Variants in PTPRD observed in about 807,000 individuals in gnomAD.
PTPRD encodes protein tyrosine phosphatase receptor type D, also known as receptor-type tyrosine-protein phosphatase delta.
A neutral mutation model predicts 214.5 loss-of-function variants in PTPRD; 34 were observed. The observed-to-expected ratio is 0.16, with a 90% CI of 0.12 to 0.21. The LOEUF (loss-of-function observed/expected upper bound fraction) is 0.21. Ranked by LOEUF, PTPRD falls within the 10% of genes least tolerant of loss-of-function variation. The pLI is 1.00. For synonymous variants in PTPRD, 1,128 were observed against 845.7 expected (o/e 1.33, Z -5.79); for missense variants, 2,545 against 2,398.7 (o/e 1.06, Z -1.27).
At chr9:9,496,450 T>C (rs1356524220) in intron 8 of PTPRD, among the ~76,000 whole-genome samples, 1 of 151,884 alleles carries the variant, frequency 6.6e-6, no homozygotes, top group South Asian at 2.1e-4. Context: ...TACACAAATG[T>C]CCAATAAGCA....
intron 9 of PTPRD, among the ~76,000 whole-genome samples, chr9:9,321,029 C>T (rs1966205202): frequency 1.3e-5 from 2 of 152,076 alleles, no homozygotes; most frequent in Non-Finnish European, 2.9e-5. Context: ...GAAATAGAAG[C>T]CAATGATTAC....
chr9:9,242,599 C>A (rs539970251), intron 9 of PTPRD, among the ~76,000 whole-genome samples: 8 of 152,170 alleles, frequency 5.3e-5, no homozygotes, highest in Admixed American at 1.3e-4. Flanking sequence ...TTTGATCTTC[C>A]ATCACTGATA....
At chr9:10,505,895 C>A (rs374485024) in intron 2 of PTPRD, among the ~76,000 whole-genome samples, 7 of 151,978 alleles carry the variant, frequency 4.6e-5, no homozygotes, top group African/African-American at 1.7e-4. Flanking sequence ...TATATCAATA[C>A]ATAAGCAGAA....
At chr9:10,093,829 G>A (rs2098456577) in intron 3 of PTPRD, among the ~76,000 whole-genome samples, 1 of 151,352 alleles carries the variant, frequency 6.6e-6, no homozygotes, top group Non-Finnish European at 1.5e-5. Flanking sequence ...GCAAATTAAT[G>A]CAGCAACAGA....
At chr9:9,419,741 T>C (rs186153896) in intron 8 of PTPRD, among the ~76,000 whole-genome samples, 7 of 151,904 alleles carry the variant, frequency 4.6e-5, no homozygotes, top group African/African-American at 1.4e-4. Flanking sequence ...GCCTTCATTA[T>C]TGTGTTCATT....
intron 12 of PTPRD, among the ~76,000 whole-genome samples, chr9:8,714,424 C>G (rs558028693): frequency 1.4e-3 from 209 of 152,136 alleles, no homozygotes; most frequent in Non-Finnish European, 2.0e-3. Flanking sequence ...TGCCTGTTGG[C>G]TCTTAAATCC....
chr9:8,775,491 G>A lies in PTPRD; in HGVS notation c.-103-41545C>T, dbSNP rs375065545. Among the ~76,000 whole-genome samples the A allele has an allele frequency of 1.1e-3, 163 of 152,214 alleles. 1 individual carries two copies. The South Asian group carries it at 0.028, about 27-fold the overall frequency. On this transcript the variant is annotated intron_variant, in intron 11 of 45. Coordinates refer to ENST00000381196, the MANE Select transcript of PTPRD (RefSeq NM_002839.4). ...TTAGGTGAGATGCAGTACATAACAGGTATGGAATATACTAATGCTTTGGAT... is the reference window on the plus strand; with the variant it reads ...TTAGGTGAGATGCAGTACATAACAGATATGGAATATACTAATGCTTTGGAT...
intron 11 of PTPRD, among the ~76,000 whole-genome samples, chr9:8,952,926 C>T (rs1057315201): frequency 6.7e-6 from 1 of 150,052 alleles, no homozygotes; most frequent in African/African-American, 2.4e-5. Flanking sequence ...CTTTCACTGG[C>T]TTCTGTCCAA....
chr9:10,417,070 G>A (rs1190097185), intron 2 of PTPRD, among the ~76,000 whole-genome samples: 7 of 151,816 alleles, frequency 4.6e-5, no homozygotes, highest in Non-Finnish European at 8.8e-5. Context: ...TGTTAGTGAA[G>A]ACAACAAACT....
intron 8 of PTPRD, among the ~76,000 whole-genome samples, chr9:9,453,639 T>C (rs1015176713): frequency 3.3e-5 from 5 of 151,734 alleles, no homozygotes; most frequent in African/African-American, 1.2e-4. Flanking sequence ...GAGGTGTATA[T>C]GTTTGTTTAC....
chr9:8,400,188 A>G (rs1344427211), intron 36 of PTPRD, among the ~76,000 whole-genome samples: 4 of 152,232 alleles, frequency 2.6e-5, no homozygotes, highest in Admixed American at 2.6e-4. Flanking sequence ...AAGATTAATT[A>G]TACTTTAGAA....
chr9:9,453,458 C>T (rs758935826), intron 8 of PTPRD, among the ~76,000 whole-genome samples: 11 of 151,542 alleles, frequency 7.3e-5, no homozygotes, highest in Non-Finnish European at 1.0e-4. Context: ...GAAAGCACAT[C>T]TGTGTCGGGG....
chr9:9,639,868 T>A (rs949121295), intron 7 of PTPRD, among the ~76,000 whole-genome samples: 2 of 152,196 alleles, frequency 1.3e-5, no homozygotes, highest in African/African-American at 4.8e-5. Context: ...AAATTTATTA[T>A]AGCTTAGAGA....
intron 14 of PTPRD, among the ~76,000 whole-genome samples, chr9:8,569,107 C>A (rs1229648864): frequency 1.2e-4 from 19 of 152,094 alleles, no homozygotes; most frequent in Admixed American, 6.6e-5. Context: ...ACTAACACAT[C>A]TTTCTTCAGC....
rs1383857846 is a variant in PTPRD, at chr9:10,055,829, TTATACATTATGTATATACAAATG to T, written c.-544-22062_-544-22040del. On this transcript the variant is annotated intron_variant, in intron 3 of 45. Transcript: ENST00000381196. ...ATAAATATAATGTATAATGTATACATTATACATTATGTATATACAAATGTATACATTATGTGTGTGTATATATA... is the reference window on the plus strand; with the variant it reads ...ATAAATATAATGTATAATGTATACATTATACATTATGTGTGTGTATATATA... Among the ~76,000 whole-genome samples, 109 of 151,506 alleles carry T rather than the reference TTATACATTATGTATATACAAATG, an allele frequency of 7.2e-4. 1 individual carries two copies. Among genetic ancestry groups the T allele is most frequent in the Admixed American group, 4.4e-3 (67 of 15,186 alleles).
chr9:10,335,538 T>A (rs1016938688), intron 3 of PTPRD, among the ~76,000 whole-genome samples: 1 of 151,676 alleles, frequency 6.6e-6, no homozygotes, highest in Non-Finnish European at 1.5e-5. Flanking sequence ...TTGGGTTTGA[T>A]GATGACATTA....
chr9:9,425,340 C>A (rs920021126), intron 8 of PTPRD, among the ~76,000 whole-genome samples: 1 of 148,792 alleles, frequency 6.7e-6, no homozygotes, highest in Non-Finnish European at 1.5e-5. Context: ...TGTAGTGCAG[C>A]AATATTACAT....
chr9:9,444,222 G>C (rs1362091389), intron 8 of PTPRD, among the ~76,000 whole-genome samples: 1 of 152,074 alleles, frequency 6.6e-6, no homozygotes, highest in Non-Finnish European at 1.5e-5. Context: ...TTTGATAGGA[G>C]AGTTCTATAA....
intron 9 of PTPRD, among the ~76,000 whole-genome samples, chr9:9,287,417 C>G (rs982046560): frequency 3.3e-5 from 5 of 151,828 alleles, no homozygotes; most frequent in African/African-American, 1.2e-4. Context: ...TTATATGTCT[C>G]AAGTTTGCAG....
Sources: allele counts gnomAD v4.1 joint callset (sites outside exome capture counted in the v4.1 genomes callset), GRCh38; gene constraint gnomAD v4.1.1; transcripts MANE v1.5; gene names NCBI Gene and HGNC (gene_info 2026-07-23, HGNC 2026-07-21).